CDH8: variants seen among roughly 807,000 people sequenced by gnomAD.
The protein encoded by CDH8 is cadherin-8.
In CDH8, 17 loss-of-function variants were observed where a neutral mutation model predicts 68.1. That is an observed-to-expected ratio of 0.25 (90% CI 0.17 to 0.37). The LOEUF (loss-of-function observed/expected upper bound fraction) is 0.37. Ranked by LOEUF, CDH8 falls within the 10% of genes least tolerant of loss-of-function variation. CDH8 has a pLI of 1.00. For missense variants in CDH8, 763 were observed against 999.3 expected (o/e 0.76, Z 3.19); for synonymous variants, 372 against 365.1 (o/e 1.02, Z -0.21).
intron 8 of CDH8, among the ~76,000 whole-genome samples, chr16:61,768,348 CTCTCTCTCTCTCT>C (rs1960662134): frequency 8.9e-6 from 1 of 112,220 alleles, no homozygotes; most frequent in African/African-American, 3.6e-5. Context: ...CTCTCTCTCT[CTCTCTCTCTCTCT>C]CTCTCTCCCT....
At chr16:61,850,538 T>C (rs1962915314) in intron 4 of CDH8, among the ~76,000 whole-genome samples, 1 of 152,122 alleles carries the variant, frequency 6.6e-6, no homozygotes, top group Admixed American at 6.6e-5. Context: ...TTTGGATTTC[T>C]AAATTGCAGA....
chr16:61,959,542 C>CTCTCTCTGTG (rs1473209814), intron 2 of CDH8, among the ~76,000 whole-genome samples: 4 of 104,738 alleles, frequency 3.8e-5, no homozygotes, highest in African/African-American at 1.3e-4. Context: ...CTCTCTCTCT[C>CTCTCTCTGTG]TGTGTGTGTG....
At chr16:61,669,366 A>G (rs570689531) in intron 10 of CDH8, among the ~76,000 whole-genome samples, 1 of 152,146 alleles carries the variant, frequency 6.6e-6, no homozygotes, top group Non-Finnish European at 1.5e-5. Flanking sequence ...CCCACCCAGC[A>G]TGCCGCAATA....
Position 61,789,337 on chromosome 16 carries a change from G to A in CDH8, c.1414+9C>T, listed in dbSNP as rs1419611751. 6.2e-7 allele frequency: 1 copy of A among 1,607,008 alleles called. No homozygotes were observed. Among genetic ancestry groups the A allele is most frequent in the Admixed American group, 1.7e-5 (1 of 58,964 alleles). ...CACAAGGAAGAAATGAACAAATCCA[G>A]GCACTTACTAATTTCAGTAGCAATG... On this transcript the variant is annotated intron_variant, in intron 8 of 11. Coordinates refer to ENST00000577390, the MANE Select transcript of CDH8 (RefSeq NM_001796.5).
At chr16:61,860,868 C>T (rs1292366589) in intron 3 of CDH8, among the ~76,000 whole-genome samples, 1 of 152,160 alleles carries the variant, frequency 6.6e-6, no homozygotes, top group African/African-American at 2.4e-5. Flanking sequence ...TATTTATGCA[C>T]AGGCTTCGTG....
chr16:61,754,176 T>C (rs1292504066), intron 8 of CDH8, among the ~76,000 whole-genome samples: 2 of 152,166 alleles, frequency 1.3e-5, no homozygotes, highest in African/African-American at 4.8e-5. Flanking sequence ...GACAAGGATT[T>C]TGATAAAATA....
At chr16:61,765,842 C>T (rs1053580604) in intron 8 of CDH8, among the ~76,000 whole-genome samples, 3 of 151,840 alleles carry the variant, frequency 2.0e-5, no homozygotes, top group Non-Finnish European at 2.9e-5. Context: ...TAGATACCTG[C>T]CATGACTCCA....
chr16:61,674,331 G>A (rs1963855252), intron 10 of CDH8, among the ~76,000 whole-genome samples: 1 of 151,856 alleles, frequency 6.6e-6, no homozygotes, highest in South Asian at 2.1e-4. Context: ...GTGAGTGCCT[G>A]TAATCCCAGC....
At chr16:61,723,251 A>G (rs1313275804) in intron 9 of CDH8, among the ~76,000 whole-genome samples, 1 of 150,754 alleles carries the variant, frequency 6.6e-6, no homozygotes, top group African/African-American at 2.4e-5. Context: ...AACATTGGTC[A>G]CTGAAGTTCT....
At chr16:61,728,539 T>C (rs1959442333) in intron 8 of CDH8, among the ~76,000 whole-genome samples, 2 of 151,140 alleles carry the variant, frequency 1.3e-5, no homozygotes, top group South Asian at 2.1e-4. Context: ...TGAACTTGTT[T>C]ATTCTTCATT....
chr16:61,719,310 T>C (rs1327639497), intron 9 of CDH8, among the ~76,000 whole-genome samples: 1 of 151,228 alleles, frequency 6.6e-6, no homozygotes, highest in Non-Finnish European at 1.5e-5. Flanking sequence ...GACTCTGCCT[T>C]CATAAATGCA....
intron 8 of CDH8, among the ~76,000 whole-genome samples, chr16:61,763,316 C>T (rs1960512771): frequency 6.6e-6 from 1 of 152,144 alleles, no homozygotes; most frequent in Non-Finnish European, 1.5e-5. Flanking sequence ...TTCACTCAGA[C>T]CGTTCTGACC....
At chr16:61,714,116 G>C in intron 9 of CDH8, 158 bp from the exon 10 acceptor site, 1 of 636,324 alleles carries the variant, frequency 1.6e-6, no homozygotes, top group South Asian at 1.8e-5. Context: ...CAAGAATAAG[G>C]AGAAAAATCC....
intron 10 of CDH8, among the ~76,000 whole-genome samples, chr16:61,697,804 T>C (rs993787648): frequency 1.3e-5 from 2 of 152,190 alleles, no homozygotes; most frequent in East Asian, 1.9e-4. Flanking sequence ...TCTGGGGAGT[T>C]TTTTTGTTTC....
intron 8 of CDH8, among the ~76,000 whole-genome samples, chr16:61,778,752 T>C (rs1222798953): frequency 6.6e-6 from 1 of 152,144 alleles, no homozygotes; most frequent in Non-Finnish European, 1.5e-5. Context: ...AGAGAAATAA[T>C]GTACCCAAGG....
intron 1 of CDH8, among the ~76,000 whole-genome samples, chr16:62,028,514 A>G (rs573981442): frequency 1.2e-3 from 181 of 152,274 alleles, no homozygotes; most frequent in Non-Finnish European, 2.1e-3. Context: ...AGGTAGAGTC[A>G]CAAGTTTATT....
rs147079251 is a variant in CDH8 at position 61,825,500 on chromosome 16, C to T, written c.668-321G>A. ...GTATATCATAACACAGTCTCGTCCA[C>T]CCCAGAAAACCCTGGGAGTGAAAGA... On this transcript the variant is annotated intron_variant, in intron 4 of 11. Transcript: ENST00000577390. Among the ~76,000 whole-genome samples the T allele has an allele frequency of 5.9e-4, 90 of 151,970 alleles. 1 individual carries two copies. The East Asian group carries it at 0.016, about 27-fold the overall frequency.
At chr16:61,939,476 T>C (rs1040692861) in intron 2 of CDH8, among the ~76,000 whole-genome samples, 1 of 152,212 alleles carries the variant, frequency 6.6e-6, no homozygotes, top group Non-Finnish European at 1.5e-5. Context: ...TATGCCATCA[T>C]TGGGTAAATA....
In CDH8 at chr16:61,648,133, C is replaced by A. The variant is rs1292296634; in HGVS notation, c.*5475G>T. 1 of 300,598 alleles carries A rather than the reference C, an allele frequency of 3.3e-6. No homozygotes were observed. The highest frequency in any genetic ancestry group is 6.3e-5 in the East Asian group (1 of 15,840). The allele number at this position is 300,598 out of a possible 1,614,324, so 18.6% of individuals were successfully genotyped here. A position where few individuals can be genotyped will look rare whatever the true frequency, so the allele number is the denominator to read the frequency against. ...AACATTACAACTCAGGAGATGACCC[C>A]AAATACCAGCATGTAATTTCTGTTT... On this transcript the variant is annotated 3_prime_UTR_variant, in exon 12 of 12. Transcript: ENST00000577390.
Sources: gnomAD v4.1 joint callset for allele counts (sites outside exome capture counted in the v4.1 genomes callset) on GRCh38, gnomAD v4.1.1 for gene constraint, MANE v1.5 for transcripts, NCBI Gene and HGNC (gene_info 2026-07-23, HGNC 2026-07-21) for gene names.